Variants in CCNYL1 observed in about 807,000 individuals in gnomAD.
CCNYL1 encodes cyclin-Y-like protein 1.
A neutral mutation model predicts 44.2 loss-of-function variants in CCNYL1; 16 were observed. The observed-to-expected ratio is 0.36, with a 90% CI of 0.25 to 0.55. CCNYL1 has a LOEUF of 0.55. Ranked by LOEUF, CCNYL1 falls within the 20% of genes least tolerant of loss-of-function variation. CCNYL1 has a pLI of 0.85. For missense variants in CCNYL1, 348 were observed against 451.8 expected (o/e 0.77, Z 2.08); for synonymous variants, 159 against 163.2 (o/e 0.97, Z 0.20).
intron 3 of CCNYL1, among the ~76,000 whole-genome samples, chr2:207,729,397 A>AT (rs2091707596): frequency 6.6e-6 from 1 of 151,614 alleles, no homozygotes. Flanking sequence ...TATTTTAAGA[A>AT]TTTTTTTAAG....
intron 1 of CCNYL1, among the ~76,000 whole-genome samples, chr2:207,721,661 A>G (rs984598708): frequency 6.6e-6 from 1 of 152,132 alleles, no homozygotes; most frequent in Admixed American, 6.6e-5. Context: ...TTAAAATACA[A>G]TTTTATACAT....
At chr2:207,717,569 G>T (rs1339228387) in intron 1 of CCNYL1, among the ~76,000 whole-genome samples, 1 of 152,192 alleles carries the variant, frequency 6.6e-6, no homozygotes, top group Non-Finnish European at 1.5e-5. Context: ...TCATGGATTG[G>T]GGAGGAGGAC....
chr2:207,722,120 TG>T (rs1273233271), intron 1 of CCNYL1, among the ~76,000 whole-genome samples: 8 of 150,042 alleles, frequency 5.3e-5, no homozygotes. Context: ...TTGACCAGGC[TG>T]GGGGGCAGTG....
chr2:207,747,097 C>T lies in CCNYL1; in HGVS notation c.690C>T (p.Thr230=). The T allele has an allele frequency of 6.2e-7, 1 of 1,614,038 alleles. No individual in the cohort carries two copies. Among genetic ancestry groups the T allele is most frequent in the East Asian group, 2.2e-5 (1 of 44,878 alleles). Residue 230 remains threonine, a synonymous_variant, in exon 8 of 10, where the codon ACC becomes ACT. Transcript: ENST00000295414. ...LTYAEIDICP[T]NWKRIVLGAI... ...ATGCTGAAATCGACATTTGTCCCAC[C>T]AACTGGAAAAGGATTGTTCTGGGAG...
At chr2:207,723,371 C>T (rs1186725066) in intron 1 of CCNYL1, among the ~76,000 whole-genome samples, 1 of 152,176 alleles carries the variant, frequency 6.6e-6, no homozygotes, top group Non-Finnish European at 1.5e-5. Context: ...AGACAGTAAT[C>T]ACTACTAGAC....
chr2:207,729,581 C>G (rs2105826778), intron 3 of CCNYL1, among the ~76,000 whole-genome samples: 1 of 152,192 alleles, frequency 6.6e-6, no homozygotes, highest in South Asian at 2.1e-4. Flanking sequence ...GCCAAGCTAG[C>G]CTTTAATTTA....
At chr2:207,718,341 G>A (rs557323098) in intron 1 of CCNYL1, among the ~76,000 whole-genome samples, 1 of 152,004 alleles carries the variant, frequency 6.6e-6, no homozygotes, top group African/African-American at 2.4e-5. Context: ...CTGAGACCCT[G>A]CCTCTACAAA....
At chr2:207,721,723 A>G (rs923417922) in intron 1 of CCNYL1, among the ~76,000 whole-genome samples, 12 of 150,248 alleles carry the variant, frequency 8.0e-5, no homozygotes, top group Non-Finnish European at 1.6e-4. Context: ...AAACATTCTT[A>G]GGAGTTTTTT....
rs577728924 is a variant in CCNYL1, at chr2:207,756,087, G to A, written c.*2389G>A. ...TTTGGAGATTCAAGTATTGATTGCA[G>A]TTTTATTTTGAAAAGAATGCTACAA... is the stretch of plus-strand genomic sequence containing the variant. On this transcript the variant is annotated 3_prime_UTR_variant, in exon 10 of 10. Coordinates refer to ENST00000295414, the MANE Select transcript of CCNYL1 (RefSeq NM_001330218.2). The A allele has an allele frequency of 6.6e-6, 1 of 152,170 alleles. No individual in the cohort carries two copies. The highest frequency in any genetic ancestry group is 1.5e-5 in the Non-Finnish European group (1 of 68,016). The allele number at this position is 152,170 out of a possible 1,614,324, so 9.4% of individuals were successfully genotyped here.
intron 9 of CCNYL1, 124 bp from the exon 10 acceptor site, chr2:207,753,464 A>G (rs751020708): frequency 1.8e-4 from 111 of 614,264 alleles, no homozygotes; most frequent in Non-Finnish European, 2.8e-4. Flanking sequence ...AAACTCAGCC[A>G]AAGTAGCTGT....
chr2:207,718,047 A>G (rs984799971), intron 1 of CCNYL1, among the ~76,000 whole-genome samples: 6 of 151,404 alleles, frequency 4.0e-5, no homozygotes, highest in African/African-American at 1.5e-4. Context: ...TGGGGCTACA[A>G]GCACGTGCCA....
chr2:207,713,947 T>G (rs894884042), intron 1 of CCNYL1, among the ~76,000 whole-genome samples: 5 of 152,186 alleles, frequency 3.3e-5, no homozygotes, highest in Admixed American at 3.3e-4. Flanking sequence ...GTGGGTGGTG[T>G]TGGGTGAGAG....
At chr2:207,751,883 C>A (rs1181261512) in intron 9 of CCNYL1, among the ~76,000 whole-genome samples, 4 of 146,784 alleles carry the variant, frequency 2.7e-5, no homozygotes, top group Non-Finnish European at 6.0e-5. Flanking sequence ...TACACACACA[C>A]AAAAATACAG....
At chr2:207,720,187 CAAAAA>C (rs747214958) in intron 1 of CCNYL1, among the ~76,000 whole-genome samples, 2 of 57,904 alleles carry the variant, frequency 3.5e-5, no homozygotes, top group Admixed American at 2.4e-4. Flanking sequence ...GACTCCGTCT[CAAAAA>C]AAAAAAAAAA....
At chr2:207,744,492 C>G (rs936159133) in intron 7 of CCNYL1, among the ~76,000 whole-genome samples, 1 of 151,708 alleles carries the variant, frequency 6.6e-6, no homozygotes, top group Admixed American at 6.6e-5. Context: ...CTCAGCCTCC[C>G]GAGTACCTGG....
chr2:207,716,049 G>T (rs533732431), intron 1 of CCNYL1, among the ~76,000 whole-genome samples: 1 of 152,254 alleles, frequency 6.6e-6, no homozygotes, highest in Admixed American at 6.5e-5. Context: ...CTACTACCTT[G>T]CCTTTATTTA....
intron 1 of CCNYL1, among the ~76,000 whole-genome samples, chr2:207,721,222 T>C (rs2091638054): frequency 6.6e-6 from 1 of 152,168 alleles, no homozygotes; most frequent in Non-Finnish European, 1.5e-5. Flanking sequence ...TGCCAATGTC[T>C]CCTGTTTAAT....
chr2:207,741,177 C>T lies in CCNYL1; in HGVS notation c.519+471C>T, dbSNP rs1412592780. 2.6e-5 allele frequency among the ~76,000 whole-genome samples: 4 copies of T among 151,976 alleles called. No individual in the cohort carries two copies. In the East Asian group the frequency reaches 5.8e-4, roughly 22 times the overall value. On this transcript the variant is annotated intron_variant, in intron 6 of 9. Transcript: ENST00000295414. Reference sequence around the variant, plus strand: ...GGCTGAGGCAGGAGAATGGCGTGAACGTGGAAGGCGGAGCTTGCAGTGAGC... The same window carrying T: ...GGCTGAGGCAGGAGAATGGCGTGAATGTGGAAGGCGGAGCTTGCAGTGAGC...
chr2:207,735,219 G>A (rs556811043), intron 4 of CCNYL1, among the ~76,000 whole-genome samples: 1 of 152,234 alleles, frequency 6.6e-6, no homozygotes, highest in East Asian at 1.9e-4. Flanking sequence ...ATGATCATTT[G>A]GTATATTTCA....
Sources: allele counts gnomAD v4.1 joint callset (sites outside exome capture counted in the v4.1 genomes callset), GRCh38; gene constraint gnomAD v4.1.1; transcripts MANE v1.5; gene names NCBI Gene and HGNC (gene_info 2026-07-23, HGNC 2026-07-21).